PTPRQ: variants seen among roughly 807,000 people sequenced by gnomAD.
The protein encoded by PTPRQ is phosphatidylinositol phosphatase PTPRQ.
Under a neutral mutation model 246.0 loss-of-function variants are expected in PTPRQ, and 199 were observed. That is an observed-to-expected ratio of 0.81 (90% CI 0.72 to 0.91). The LOEUF is 0.91. PTPRQ is among the 40% of genes least tolerant of loss of function. PTPRQ has a pLI of 0.00. For synonymous variants in PTPRQ, 869 were observed against 853.2 expected (o/e 1.02, Z -0.32); for missense variants, 2,624 against 2,528.4 (o/e 1.04, Z -0.81).
At position 80,460,903 on chromosome 12, in the gene PTPRQ, G is replaced by A; in HGVS notation, c.910+1G>A. 1 of 400,536 alleles carries A rather than the reference G, an allele frequency of 2.5e-6. No individual in the cohort carries two copies. The highest frequency in any genetic ancestry group is 4.4e-6 in the Non-Finnish European group (1 of 226,166). 24.8% of individuals were successfully genotyped at this position (400,536 alleles called of 1,614,324 possible). ...ACGATTGTCAGAACACCAGAATCAG[G>A]TATGGTTCACTTTTTGTAGATAAAA... On this transcript the variant is annotated splice_donor_variant, in intron 6 of 44. Transcript: ENST00000644991. LOFTEE classifies it high-confidence loss of function.
chr12:80,508,843 G>C (rs1281886004), intron 16 of PTPRQ, among the ~76,000 whole-genome samples: 2 of 151,946 alleles, frequency 1.3e-5, no homozygotes, highest in Non-Finnish European at 2.9e-5. Flanking sequence ...CTGAAGGTTA[G>C]CTTTTAAAGA....
At chr12:80,594,905 C>G (rs551143296) in intron 26 of PTPRQ, among the ~76,000 whole-genome samples, 4 of 152,218 alleles carry the variant, frequency 2.6e-5, no homozygotes, top group South Asian at 2.1e-4. Context: ...TTTCAATACA[C>G]CTGCCTGACC....
At chr12:80,658,177 G>A in intron 39 of PTPRQ, 116 bp downstream of exon 39, 1 of 614,412 alleles carries the variant, frequency 1.6e-6, no homozygotes, top group Admixed American at 4.5e-5. Context: ...ATCTTAATAT[G>A]CTAGTTATTT....
At chr12:80,474,859 C>T (rs199507554) in intron 8 of PTPRQ, among the ~76,000 whole-genome samples, 3 of 152,102 alleles carry the variant, frequency 2.0e-5, no homozygotes, top group East Asian at 3.8e-4. Flanking sequence ...TTCTTGTTTA[C>T]TCCCTCTTAA....
At position 80,673,419 on chromosome 12, in the gene PTPRQ, T is replaced by C. The variant is rs1901036681; in HGVS notation, c.6738+115T>C. ...TGAAGCTGTGGACACCTTCTTTTCC[T>C]ACATTATAAGCCTTTTGGGGAGGAT... On this transcript the variant is annotated intron_variant, in intron 43 of 44. Coordinates refer to ENST00000644991, the MANE Select transcript of PTPRQ (RefSeq NM_001145026.2). 4 of 1,430,634 alleles carry C rather than the reference T, an allele frequency of 2.8e-6. 1 individual carries two copies. The South Asian group carries it at 4.4e-5, about 16-fold the overall frequency. The allele number at this position is 1,430,634 out of a possible 1,614,324, so 88.6% of individuals were successfully genotyped here. A position where few individuals can be genotyped will look rare whatever the true frequency, so the allele number is the denominator to read the frequency against.
At chr12:80,568,811 T>C (rs1207202378) in intron 25 of PTPRQ, among the ~76,000 whole-genome samples, 1 of 152,240 alleles carries the variant, frequency 6.6e-6, no homozygotes, top group African/African-American at 2.4e-5. Flanking sequence ...TTGAACAAAG[T>C]GATGTCACTG....
Position 80,670,508 on chromosome 12 carries a change from G to T in PTPRQ, c.6602+16G>T. The T allele has an allele frequency of 6.6e-7, 1 of 1,518,204 alleles. No homozygotes were observed. 94.0% of individuals were successfully genotyped at this position (1,518,204 alleles called of 1,614,324 possible). A position where few individuals can be genotyped will look rare whatever the true frequency, so the allele number is the denominator to read the frequency against. On this transcript the variant is annotated intron_variant, in intron 42 of 44. Coordinates refer to ENST00000644991, the MANE Select transcript of PTPRQ (RefSeq NM_001145026.2). ...TTCACTGCAGGTGAGAAAGTGATCA[G>T]AAATGGCCTTTGAACCCATTGGTCT...
At chr12:80,507,148 A>T (rs1165377898) in intron 16 of PTPRQ, among the ~76,000 whole-genome samples, 1 of 151,942 alleles carries the variant, frequency 6.6e-6, no homozygotes, top group African/African-American at 2.4e-5. Flanking sequence ...ACAAGATGCT[A>T]TTCCCCAAAG....
Position 80,620,199 on chromosome 12 carries a change from A to G in PTPRQ, c.5435A>G (p.Asn1812Ser). Residue 1812 changes from asparagine to serine, a missense_variant, in exon 32 of 45, where the codon AAT (asparagine) becomes AGT (serine). Transcript: ENST00000644991. ...ACAAAGTGGTATGATGCATATTTTA[A>G]TAAAGCAAGGCCATATTTTACAAAT... Reference protein sequence around the residue: ...NVTKWYDAYFNKARPYFTNEG... With the variant: ...NVTKWYDAYFSKARPYFTNEG... 1 of 1,548,916 alleles carries G rather than the reference A, an allele frequency of 6.5e-7. No homozygotes were observed. Among genetic ancestry groups the G allele is most frequent in the Non-Finnish European group, 8.7e-7 (1 of 1,145,190 alleles).
intron 28 of PTPRQ, among the ~76,000 whole-genome samples, chr12:80,611,703 T>C (rs963339498): frequency 6.6e-6 from 1 of 150,472 alleles, no homozygotes; most frequent in East Asian, 1.9e-4. Context: ...TAGAATTTTA[T>C]GTGTATAACC....
intron 33 of PTPRQ, among the ~76,000 whole-genome samples, chr12:80,631,263 G>C (rs1050103127): frequency 6.6e-6 from 1 of 152,016 alleles, no homozygotes; most frequent in Non-Finnish European, 1.5e-5. Flanking sequence ...TACTGGGCTT[G>C]ATACCTGGTT....
At chr12:80,555,317 C>T (rs1896613116) in intron 25 of PTPRQ, among the ~76,000 whole-genome samples, 1 of 152,170 alleles carries the variant, frequency 6.6e-6, no homozygotes, top group African/African-American at 2.4e-5. Context: ...CTTCAGCCTC[C>T]CAAAGTGTTG....
At chr12:80,588,857 T>TAC (rs142745737) in intron 26 of PTPRQ, among the ~76,000 whole-genome samples, 28 of 152,260 alleles carry the variant, frequency 1.8e-4, no homozygotes, top group African/African-American at 4.6e-4. Flanking sequence ...ACTTCAAACT[T>TAC]ACACACACAC....
chr12:80,522,900 CTCTT>C (rs1336121552), intron 17 of PTPRQ, among the ~76,000 whole-genome samples: 1 of 152,186 alleles, frequency 6.6e-6, no homozygotes, highest in East Asian at 1.9e-4. Flanking sequence ...GGAGGATTCT[CTCTT>C]TTTCTATCAA....
chr12:80,676,937 A>G (rs1901164237), intron 43 of PTPRQ, among the ~76,000 whole-genome samples: 1 of 152,186 alleles, frequency 6.6e-6, no homozygotes, highest in Admixed American at 6.5e-5. Context: ...GTGCATCAGA[A>G]GAGTTTAATT....
At chr12:80,639,862 C>T (rs1684391815) in intron 35 of PTPRQ, among the ~76,000 whole-genome samples, 1 of 152,132 alleles carries the variant, frequency 6.6e-6, no homozygotes, top group African/African-American at 2.4e-5. Flanking sequence ...AGTGATTTCA[C>T]TTAACTCTTT....
At chr12:80,550,095 C>G (rs1351611463) in intron 25 of PTPRQ, among the ~76,000 whole-genome samples, 1 of 152,044 alleles carries the variant, frequency 6.6e-6, no homozygotes, top group African/African-American at 2.4e-5. Flanking sequence ...TTATGGAATT[C>G]TAGATGTTTT....
At chr12:80,514,071 T>C (rs1003790707) in intron 17 of PTPRQ, among the ~76,000 whole-genome samples, 1 of 152,170 alleles carries the variant, frequency 6.6e-6, no homozygotes, top group African/African-American at 2.4e-5. Context: ...CCCAAATCTA[T>C]TCAGGTGTTG....
intron 33 of PTPRQ, among the ~76,000 whole-genome samples, chr12:80,625,021 G>C (rs1899145227): frequency 6.6e-6 from 1 of 152,156 alleles, no homozygotes; most frequent in South Asian, 2.1e-4. Context: ...GCTCGCCACA[G>C]ATTCAAAAGA....
Sources: allele counts gnomAD v4.1 joint callset (sites outside exome capture counted in the v4.1 genomes callset), GRCh38; gene constraint gnomAD v4.1.1; transcripts MANE v1.5; gene names NCBI Gene and HGNC (gene_info 2026-07-23, HGNC 2026-07-21).